RIMS1: variants seen among roughly 807,000 people sequenced by gnomAD.
The protein encoded by RIMS1 is regulating synaptic membrane exocytosis protein 1.
A neutral mutation model predicts 214.1 loss-of-function variants in RIMS1; 83 were observed. That is an observed-to-expected ratio of 0.39 (90% CI 0.32 to 0.47). The LOEUF (loss-of-function observed/expected upper bound fraction) is 0.47. RIMS1 is among the 20% of genes least tolerant of loss of function. The pLI is 0.99. For synonymous variants in RIMS1, 793 were observed against 786.8 expected, an observed-to-expected ratio of 1.01 and a Z score of -0.13; for missense variants, 2,050 against 2,161.8, an observed-to-expected ratio of 0.95 and a Z score of 1.03.
intron 30 of RIMS1, among the ~76,000 whole-genome samples, chr6:72,392,286 G>A (rs75085652): frequency 0.013 from 1,966 of 152,244 alleles, 42 homozygotes; most frequent in African/African-American, 0.046. Context: ...CTTGAACTAT[G>A]TTATAACATT....
At chr6:72,131,455 A>G (rs1190330396) in intron 4 of RIMS1, among the ~76,000 whole-genome samples, 1 of 152,188 alleles carries the variant, frequency 6.6e-6, no homozygotes, top group African/African-American at 2.4e-5. Flanking sequence ...CGGGGGAGAC[A>G]TCACATGTCG....
chr6:72,100,102 G>T (rs1234107027), intron 4 of RIMS1, 116 bp downstream of exon 4: 1 of 795,674 alleles, frequency 1.3e-6, no homozygotes, highest in Non-Finnish European at 2.0e-6. Context: ...TTATATACTA[G>T]GAAGAGCTCA....
At chr6:71,931,408 A>G (rs1782993924) in intron 1 of RIMS1, among the ~76,000 whole-genome samples, 1 of 152,046 alleles carries the variant, frequency 6.6e-6, no homozygotes, top group Non-Finnish European at 1.5e-5. Flanking sequence ...GATATATTGA[A>G]TTATCTGTCA....
intron 2 of RIMS1, among the ~76,000 whole-genome samples, chr6:72,036,480 G>T (rs1052443518): frequency 6.6e-6 from 1 of 152,138 alleles, no homozygotes; most frequent in African/African-American, 2.4e-5. Context: ...AGTAAGTACA[G>T]TTCCTGTACC....
intron 2 of RIMS1, among the ~76,000 whole-genome samples, chr6:71,988,586 A>G (rs1226774482): frequency 2.0e-5 from 3 of 152,204 alleles, no homozygotes; most frequent in Non-Finnish European, 2.9e-5. Context: ...ATGTCTACCC[A>G]TAGGAAAATG....
chr6:72,122,469 G>A (rs2038600177), intron 4 of RIMS1, among the ~76,000 whole-genome samples: 1 of 151,686 alleles, frequency 6.6e-6, no homozygotes, highest in African/African-American at 2.4e-5. Context: ...GCCTCCCAAA[G>A]TGCTGGGATT....
chr6:72,340,825 C>T (rs937102766), intron 29 of RIMS1, among the ~76,000 whole-genome samples: 2 of 151,996 alleles, frequency 1.3e-5, no homozygotes, highest in Non-Finnish European at 2.9e-5. Context: ...TGAAGAAAGT[C>T]GTTGGTAGCT....
chr6:72,038,380 T>C (rs1323407347), intron 2 of RIMS1, among the ~76,000 whole-genome samples: 1 of 151,812 alleles, frequency 6.6e-6, no homozygotes, highest in Non-Finnish European at 1.5e-5. Flanking sequence ...AAGATAGTAT[T>C]CAAAATCTTT....
chr6:72,287,910 G>A (rs2092665399), intron 24 of RIMS1, among the ~76,000 whole-genome samples: 1 of 152,158 alleles, frequency 6.6e-6, no homozygotes, highest in South Asian at 2.1e-4. Flanking sequence ...ATGAGGAGCT[G>A]TAAATATACA....
intron 2 of RIMS1, among the ~76,000 whole-genome samples, chr6:71,972,333 G>C (rs1336381081): frequency 6.6e-6 from 1 of 152,124 alleles, no homozygotes. Context: ...GGCTTGAGGA[G>C]GAAATGAGAA....
chr6:71,994,347 A>T (rs1037257409), intron 2 of RIMS1, among the ~76,000 whole-genome samples: 2 of 152,178 alleles, frequency 1.3e-5, no homozygotes, highest in African/African-American at 4.8e-5. Flanking sequence ...ACCTTACCAT[A>T]TGTTGATAGG....
chr6:72,350,997 ATTC>A (rs2097427404), intron 29 of RIMS1, among the ~76,000 whole-genome samples: 2 of 152,268 alleles, frequency 1.3e-5, no homozygotes, highest in Admixed American at 6.5e-5. Context: ...ATTTTAATAT[ATTC>A]TTAATAATTC....
At chr6:71,905,518 A>G (rs1484325076) in intron 1 of RIMS1, among the ~76,000 whole-genome samples, 1 of 152,170 alleles carries the variant, frequency 6.6e-6, no homozygotes, top group Non-Finnish European at 1.5e-5. Flanking sequence ...AGCACATGGA[A>G]TATTTGCTGA....
At chr6:72,222,159 A>G (rs1941867775) in intron 6 of RIMS1, among the ~76,000 whole-genome samples, 1 of 152,088 alleles carries the variant, frequency 6.6e-6, no homozygotes, top group South Asian at 2.1e-4. Flanking sequence ...TGGTAATTTT[A>G]ATTTTCAGAT....
In RIMS1 at chr6:72,196,349, C is replaced by CTCTG. The variant is rs752491713; in HGVS notation, c.1678+13228_1678+13231dup. 6.7e-3 allele frequency among the ~76,000 whole-genome samples: 906 copies of CTCTG among 134,278 alleles called. 2 individuals carry two copies. The highest frequency in any genetic ancestry group is 7.6e-3 in the Non-Finnish European group (466 of 61,270). The allele number at this position is 134,278 out of a possible 152,430, so 88.1% of individuals were successfully genotyped here. A position where few individuals can be genotyped will look rare whatever the true frequency, so the allele number is the denominator to read the frequency against. On this transcript the variant is annotated intron_variant, in intron 6 of 33. Transcript: ENST00000521978. ...TGAATGCAAGGACCATGGCTATTTC[C>CTCTG]TCTGTCTGTCTGTCTGTCTGTCTGT...
intron 19 of RIMS1, chr6:72,262,647 A>G: frequency 3.4e-6 from 3 of 883,982 alleles, no homozygotes; most frequent in Non-Finnish European, 4.1e-6. Flanking sequence ...TTATAAAAAC[A>G]TTAATTTATA....
At chr6:72,288,559 A>C (rs1406312391) in intron 24 of RIMS1, among the ~76,000 whole-genome samples, 1 of 152,202 alleles carries the variant, frequency 6.6e-6, no homozygotes, top group Non-Finnish European at 1.5e-5. Flanking sequence ...TTCATTGAAA[A>C]GATCAGGGCA....
intron 2 of RIMS1, among the ~76,000 whole-genome samples, chr6:71,992,620 C>T (rs1802176428): frequency 6.7e-6 from 1 of 149,148 alleles, no homozygotes; most frequent in Admixed American, 6.8e-5. Flanking sequence ...CCTTCTTCTT[C>T]TTCTTCTTCC....
chr6:72,227,459 C>T (rs1287580829), intron 6 of RIMS1, among the ~76,000 whole-genome samples: 1 of 151,726 alleles, frequency 6.6e-6, no homozygotes, highest in East Asian at 1.9e-4. Flanking sequence ...AATGACTGAG[C>T]TCATGATTCA....
Sources: allele counts gnomAD v4.1 joint callset (sites outside exome capture counted in the v4.1 genomes callset), GRCh38; gene constraint gnomAD v4.1.1; transcripts MANE v1.5; gene names NCBI Gene and HGNC (gene_info 2026-07-23, HGNC 2026-07-21).